The following SGSM1 variants were observed in gnomAD, a reference collection of about 807,000 sequenced individuals.
The protein encoded by SGSM1 is small G protein signaling modulator 1.
Under a neutral mutation model 133.8 loss-of-function variants are expected in SGSM1, and 73 were observed. That is an observed-to-expected ratio of 0.55 (90% CI 0.45 to 0.66). SGSM1 has a LOEUF of 0.66. SGSM1 is among the 30% of genes least tolerant of loss of function. SGSM1 has a pLI of 0.00. For synonymous variants in SGSM1, 563 were observed against 573.0 expected, an observed-to-expected ratio of 0.98 and a Z score of 0.25; for missense variants, 1,213 against 1,448.1, an observed-to-expected ratio of 0.84 and a Z score of 2.64.
chr22:24,879,172 C>T (rs2147890419), intron 13 of SGSM1, among the ~76,000 whole-genome samples: 1 of 152,344 alleles, frequency 6.6e-6, no homozygotes, highest in Middle Eastern at 3.4e-3. Flanking sequence ...ATGACCATCT[C>T]TGCCCCAATC....
At chr22:24,868,637 T>C in intron 11 of SGSM1, 86 bp from the exon 12 acceptor site, 1 of 1,609,962 alleles carries the variant, frequency 6.2e-7, no homozygotes, top group Non-Finnish European at 8.5e-7. Flanking sequence ...TGTGGCCTCA[T>C]GCGCTCTCCA....
chr22:24,845,942 TTTCTTTC>T (rs1412078288), intron 3 of SGSM1, among the ~76,000 whole-genome samples: 44 of 16,186 alleles, frequency 2.7e-3, no homozygotes, highest in African/African-American at 2.6e-3. Context: ...TTTCTTTTCT[TTTCTTTC>T]TTTCTTTCTT....
chr22:24,827,213 G>T (rs1269061759), intron 2 of SGSM1, among the ~76,000 whole-genome samples: 1 of 152,060 alleles, frequency 6.6e-6, no homozygotes, highest in African/African-American at 2.4e-5. Context: ...CCTGGGTGTG[G>T]GCAGGTGGCA....
intron 10 of SGSM1, among the ~76,000 whole-genome samples, chr22:24,867,898 A>G (rs1233871283): frequency 1.3e-5 from 2 of 152,208 alleles, no homozygotes; most frequent in East Asian, 3.8e-4. Context: ...AATAGGCAAT[A>G]ATAGATAGGA....
rs1251142339 is a variant in SGSM1, at chr22:24,895,228, C to T, written c.1959C>T (p.Ser653=). The T allele has an allele frequency of 3.7e-6, 6 of 1,609,332 alleles. No individual in the cohort carries two copies. The Admixed American group carries it at 6.7e-5, about 18-fold the overall frequency. The change falls in exon 18 of 25, where the codon TCC becomes TCT. Residue 653 remains serine (S), a synonymous_variant. Transcript: ENST00000400358. ...HRDSTISNES[S]QSCSSGRQNI... ...CCTGCTCTTTCTTTTCTCAGTCCTC[C>T]CAGAGCTGCAGTTCGGGCCGCCAGA...
At chr22:24,910,848 G>A (rs757580929) in intron 21 of SGSM1, among the ~76,000 whole-genome samples, 2 of 152,036 alleles carry the variant, frequency 1.3e-5, no homozygotes, top group South Asian at 2.1e-4. Context: ...GGGAGGCTGC[G>A]GCAGGAGAAA....
intron 13 of SGSM1, among the ~76,000 whole-genome samples, chr22:24,877,667 G>A (rs796202846): frequency 3.3e-5 from 5 of 152,132 alleles, no homozygotes; most frequent in African/African-American, 1.2e-4. Flanking sequence ...CCGTGAACCA[G>A]CATCAGCACC....
intron 9 of SGSM1, among the ~76,000 whole-genome samples, chr22:24,866,194 G>T (rs1025656117): frequency 1.3e-5 from 2 of 152,138 alleles, no homozygotes; most frequent in African/African-American, 2.4e-5. Context: ...TAATCATAGG[G>T]ACCACTTCCC....
chr22:24,878,372 G>T (rs935062431), intron 13 of SGSM1, among the ~76,000 whole-genome samples: 2 of 152,190 alleles, frequency 1.3e-5, no homozygotes, highest in Non-Finnish European at 2.9e-5. Flanking sequence ...TGCAGAAAGC[G>T]AAGTCTACAG....
chr22:24,881,494 A>G (rs1041634077), intron 14 of SGSM1, among the ~76,000 whole-genome samples: 3 of 151,748 alleles, frequency 2.0e-5, no homozygotes, highest in Non-Finnish European at 2.9e-5. Flanking sequence ...TAAACCTGGG[A>G]TGCGGAGCTT....
At chr22:24,879,836 A>G (rs1044385326) in intron 14 of SGSM1, among the ~76,000 whole-genome samples, 2 of 152,170 alleles carry the variant, frequency 1.3e-5, no homozygotes, top group African/African-American at 4.8e-5. Context: ...TCAGGATTGA[A>G]TGAGGACCAC....
At position 24,906,679 on chromosome 22, in the gene SGSM1, T is replaced by C. The variant is rs1056564607; in HGVS notation, c.2818+1492T>C. Among the ~76,000 whole-genome samples, 33 of 152,336 alleles carry C rather than the reference T, an allele frequency of 2.2e-4. 1 individual carries two copies. The highest frequency in any genetic ancestry group is 7.9e-4 in the African/African-American group (33 of 41,570). On this transcript the variant is annotated intron_variant, in intron 21 of 24. Transcript: ENST00000400358. Reference sequence around the variant, plus strand: ...TGGGTGCAGTGACTCATGCCTGTAATCCCAGCGTTTCGGGAGGCCAAGGCG... The same window carrying C: ...TGGGTGCAGTGACTCATGCCTGTAACCCCAGCGTTTCGGGAGGCCAAGGCG...
chr22:24,892,549 C>T (rs1932832775), intron 16 of SGSM1, among the ~76,000 whole-genome samples: 1 of 152,046 alleles, frequency 6.6e-6, no homozygotes, highest in Admixed American at 6.6e-5. Context: ...GCACCTGTAG[C>T]CCATGTGGGG....
chr22:24,915,565 G>A (rs536834675), intron 22 of SGSM1, among the ~76,000 whole-genome samples: 1 of 152,000 alleles, frequency 6.6e-6, no homozygotes, highest in Non-Finnish European at 1.5e-5. Flanking sequence ...AATTTTTGTG[G>A]GTACATAATA....
At chr22:24,890,999 G>A (rs1043439827) in intron 16 of SGSM1, among the ~76,000 whole-genome samples, 15 of 152,146 alleles carry the variant, frequency 9.9e-5, no homozygotes, top group Non-Finnish European at 1.8e-4. Flanking sequence ...ATAACTTGTC[G>A]TGAATAGAAG....
chr22:24,888,934 T>C (rs1368868752), intron 16 of SGSM1, among the ~76,000 whole-genome samples: 4 of 144,022 alleles, frequency 2.8e-5, no homozygotes, highest in Admixed American at 2.1e-4. Flanking sequence ...GTTTTCATAG[T>C]CACCTTTTTT....
intron 2 of SGSM1, among the ~76,000 whole-genome samples, chr22:24,808,834 C>T (rs1259476694): frequency 6.6e-6 from 1 of 152,150 alleles, no homozygotes; most frequent in Admixed American, 6.5e-5. Flanking sequence ...GAATAACTTG[C>T]CCAAGAGCAC....
rs375720420 is a variant in SGSM1, at chr22:24,893,492, C to T, written c.1832C>T (p.Ala611Val). Reference protein sequence around the residue: ...QTMAEWLGCEAIVRQRERESH... With the variant: ...QTMAEWLGCEVIVRQRERESH... ...ATGGCTGAGTGGCTGGGCTGCGAGG[C>T]GATCGTGCGGCAGAGGGAGCGGGAG... Residue 611 changes from alanine to valine, a missense_variant, in exon 17 of 25, where the codon GCG (alanine) becomes GTG (valine). Coordinates refer to ENST00000400358, the MANE Select transcript of SGSM1 (RefSeq NM_001098497.3). 3.7e-5 allele frequency: 60 copies of T among 1,613,648 alleles called. No homozygotes were observed. The highest frequency in any genetic ancestry group is 4.8e-5 in the Non-Finnish European group (57 of 1,179,772).
chr22:24,843,494 A>G (rs1178814902), intron 2 of SGSM1: 1 of 152,356 alleles, frequency 6.6e-6, no homozygotes, highest in Non-Finnish European at 1.5e-5. Flanking sequence ...TGTGGGTTCC[A>G]CTGGGTGGGG....
Sources: allele counts gnomAD v4.1 joint callset (sites outside exome capture counted in the v4.1 genomes callset), GRCh38; gene constraint gnomAD v4.1.1; transcripts MANE v1.5; gene names NCBI Gene and HGNC (gene_info 2026-07-23, HGNC 2026-07-21).